MICAL2: variants seen among roughly 807,000 people sequenced by gnomAD.
MICAL2 encodes [F-actin]-monooxygenase MICAL2.
A neutral mutation model predicts 127.3 loss-of-function variants in MICAL2; 77 were observed. The observed-to-expected ratio is 0.60, with a 90% CI of 0.50 to 0.73. The LOEUF (loss-of-function observed/expected upper bound fraction) is 0.73. Among genes scored for constraint, MICAL2 ranks in the 30% least tolerant of loss-of-function variants. MICAL2 has a pLI of 0.00. For missense variants in MICAL2, 1,351 were observed against 1,434.4 expected (o/e 0.94, Z 0.94); for synonymous variants, 570 against 551.1 (o/e 1.03, Z -0.48).
chr11:12,345,103 C>A (rs10831795), intron 32 of MICAL2, among the ~76,000 whole-genome samples: 104 of 142,378 alleles, frequency 7.3e-4, no homozygotes, highest in African/African-American at 2.5e-3. Context: ...CAGAGCGAGA[C>A]GAGAATCCAT....
At chr11:12,304,157 C>T (rs1671682226) in intron 29 of MICAL2, among the ~76,000 whole-genome samples, 1 of 152,024 alleles carries the variant, frequency 6.6e-6, no homozygotes, top group Non-Finnish European at 1.5e-5. Context: ...TTTTTAATTA[C>T]ATGCATGGCT....
At chr11:12,144,397 G>A (rs1258521794) in intron 2 of MICAL2, among the ~76,000 whole-genome samples, 2 of 152,112 alleles carry the variant, frequency 1.3e-5, no homozygotes, top group African/African-American at 4.8e-5. Context: ...CCCCTCCTCT[G>A]GGGCTTCTGG....
At chr11:12,335,156 G>A (rs185053087) in intron 32 of MICAL2, among the ~76,000 whole-genome samples, 1 of 148,196 alleles carries the variant, frequency 6.7e-6, no homozygotes, top group Non-Finnish European at 1.5e-5. Flanking sequence ...TAACTGGTGT[G>A]AGATGGTATC....
At chr11:12,202,262 T>A (rs1162944584) in intron 3 of MICAL2, among the ~76,000 whole-genome samples, 1 of 152,206 alleles carries the variant, frequency 6.6e-6, no homozygotes, top group Non-Finnish European at 1.5e-5. Flanking sequence ...GGCAGTTACC[T>A]CTGCTGAAAT....
chr11:12,229,136 T>G (rs971130978), intron 15 of MICAL2, among the ~76,000 whole-genome samples: 23 of 152,166 alleles, frequency 1.5e-4, no homozygotes, highest in African/African-American at 5.6e-4. Flanking sequence ...CTGGGCTGTG[T>G]GAGCAGTGGT....
At chr11:12,184,616 C>T (rs1344643554) in intron 3 of MICAL2, among the ~76,000 whole-genome samples, 1 of 152,212 alleles carries the variant, frequency 6.6e-6, no homozygotes, top group Non-Finnish European at 1.5e-5. Context: ...CAGTATTAAA[C>T]CAAGCCTACT....
intron 30 of MICAL2, among the ~76,000 whole-genome samples, chr11:12,321,399 G>T (rs2134841969): frequency 6.6e-6 from 1 of 152,270 alleles, no homozygotes; most frequent in South Asian, 2.1e-4. Context: ...CAGCTCAAAT[G>T]AACCTTTGCA....
chr11:12,208,235 C>G (rs909623430), intron 5 of MICAL2, 96 bp downstream of exon 5: 1 of 966,704 alleles, frequency 1.0e-6, no homozygotes, highest in African/African-American at 1.6e-5. Context: ...AGGAGTTATT[C>G]TTACTGGGAG....
chr11:12,216,319 C>T lies in MICAL2; in HGVS notation c.948C>T (p.Asn316=), dbSNP rs770956984. The change falls in exon 8 of 28, where the codon AAC becomes AAT. Residue 316 remains asparagine (N), a splice_region_variant and synonymous_variant. Transcript: ENST00000683283. ...QSLLDKGVII[N]DYIDTEMLLC... is the part of the protein sequence containing the mutation. Reference sequence around the variant, plus strand: ...TGCTCGACAAAGGTGTCATCATTAACGTACGTACCTCTTGGCTGCGATTTC... The same window carrying T: ...TGCTCGACAAAGGTGTCATCATTAATGTACGTACCTCTTGGCTGCGATTTC... 13 of 1,612,430 alleles carry T rather than the reference C, an allele frequency of 8.1e-6. No individual in the cohort carries two copies. Among genetic ancestry groups the T allele is most frequent in the South Asian group, 2.2e-5 (2 of 91,052 alleles).
chr11:12,220,429 G>A lies in MICAL2; in HGVS notation c.1177G>A (p.Val393Met), dbSNP rs150662088. 46 of 1,611,150 alleles carry A rather than the reference G, an allele frequency of 2.9e-5. No individual in the cohort carries two copies. Among genetic ancestry groups the A allele is most frequent in the Non-Finnish European group, 3.6e-5 (42 of 1,180,028 alleles). The change falls in exon 9 of 28, where the codon GTG becomes ATG. Residue 393 changes from valine (V) to methionine (M), a missense_variant. Val to Met is a conservative substitution (Grantham distance 21, BLOSUM62 1). Coordinates refer to ENST00000683283, the MANE Select transcript of MICAL2 (RefSeq NM_001282663.2). ...GGAGCGGCAGGCGCACCAGCTGCTCGTGGCCCTTGTGGGTGACAGCTTGCT... is the reference window on the plus strand; with the variant it reads ...GGAGCGGCAGGCGCACCAGCTGCTCATGGCCCTTGTGGGTGACAGCTTGCT... ...VRERQAHQLLVALVGDSLLEP... is the reference protein window; with the variant it reads ...VRERQAHQLLMALVGDSLLEP...
downstream of MICAL2, among the ~76,000 whole-genome samples, chr11:12,359,989 A>T (rs947210996): frequency 5.3e-5 from 8 of 152,026 alleles, no homozygotes; most frequent in Admixed American, 1.3e-4. Context: ...CAGAAATTAG[A>T]TGTATAACTG....
chr11:12,199,010 C>A lies in MICAL2; in HGVS notation c.265-5240C>A, dbSNP rs1052483205. Among the ~76,000 whole-genome samples, 9 of 152,202 alleles carry A rather than the reference C, an allele frequency of 5.9e-5. No homozygotes were observed. The South Asian group carries it at 1.9e-3, about 31-fold the overall frequency. ...GTCCTCTCACTTCATCCTGACCTCA[C>A]CACTGAGGTCGGGCTTCACTGTCAG... is the stretch of plus-strand genomic sequence containing the variant. On this transcript the variant is annotated intron_variant, in intron 3 of 27. Transcript: ENST00000683283.
chr11:12,319,794 C>T, exon 30 of MICAL2: 1 of 1,613,950 alleles, frequency 6.2e-7, no homozygotes, highest in Non-Finnish European at 8.5e-7. Context: ...TGATCCCCAG[C>T]TTTCCTTGCA....
Position 12,259,413 on chromosome 11 carries a change from T to A in MICAL2, c.3232-382T>A, listed in dbSNP as rs140211901. On this transcript the variant is annotated intron_variant, in intron 25 of 27. Transcript: ENST00000683283. ...TTGGAAGATTCTAGTCTATAAATGGTCAATAATTTACTTCACCACTTCTGT... is the reference window on the plus strand; with the variant it reads ...TTGGAAGATTCTAGTCTATAAATGGACAATAATTTACTTCACCACTTCTGT... Among the ~76,000 whole-genome samples the A allele has an allele frequency of 2.1e-4, 32 of 152,372 alleles. No individual in the cohort carries two copies. The East Asian group carries it at 2.5e-3, about 12-fold the overall frequency.
At position 12,263,378 on chromosome 11, in the gene MICAL2, C is replaced by T. The variant is rs2279616; in HGVS notation, c.*18-182C>T. On this transcript the variant is annotated intron_variant, in intron 27 of 27. Coordinates refer to ENST00000683283, the MANE Select transcript of MICAL2 (RefSeq NM_001282663.2). ...TAACGAGAAACAACACACCAAGCACCGTGGAGCTGTCCTAGGCAACACTCG... is the reference window on the plus strand; with the variant it reads ...TAACGAGAAACAACACACCAAGCACTGTGGAGCTGTCCTAGGCAACACTCG... The T allele has an allele frequency of 2.6e-5, 4 of 152,364 alleles. No homozygotes were observed. The South Asian group carries it at 6.2e-4, about 24-fold the overall frequency. The allele number at this position is 152,364 out of a possible 1,614,324, so 9.4% of individuals were successfully genotyped here. A position where few individuals can be genotyped will look rare whatever the true frequency, so the allele number is the denominator to read the frequency against.
chr11:12,330,896 A>AGTGTGTGT (rs1461125821), intron 32 of MICAL2, among the ~76,000 whole-genome samples: 1 of 116,756 alleles, frequency 8.6e-6, no homozygotes, highest in Non-Finnish European at 1.8e-5. Flanking sequence ...AGAGAGAGAG[A>AGTGTGTGT]GAGAGTGTGT....
At chr11:12,181,299 C>T (rs933123453) in intron 3 of MICAL2, among the ~76,000 whole-genome samples, 3 of 152,166 alleles carry the variant, frequency 2.0e-5, no homozygotes, top group African/African-American at 2.4e-5. Flanking sequence ...AGGAGGGCAA[C>T]AGCATTATTT....
At chr11:12,293,247 C>T (rs1038187779), downstream of MICAL2, among the ~76,000 whole-genome samples, 16 of 152,222 alleles carry the variant, frequency 1.1e-4, 1 homozygote, top group African/African-American at 3.9e-4. Context: ...CCATCATGGG[C>T]CCGGGAGCTT....
chr11:12,262,304 G>T, intron 26 of MICAL2, 176 bp from the exon 27 acceptor site: 1 of 1,448,632 alleles, frequency 6.9e-7, no homozygotes, highest in Non-Finnish European at 9.1e-7. Flanking sequence ...CAACCAGAAA[G>T]GTTCATCTCT....
Sources: gnomAD v4.1 joint callset for allele counts (sites outside exome capture counted in the v4.1 genomes callset) on GRCh38, gnomAD v4.1.1 for gene constraint, MANE v1.5 for transcripts, NCBI Gene and HGNC (gene_info 2026-07-23, HGNC 2026-07-21) for gene names.